CIROZ: variants seen among roughly 807,000 people sequenced by gnomAD.
CIROZ encodes ciliated left-right organizer protein containing ZP-N domains.
chr1:10,947,887 C>A, the CIROZ span: 5 of 1,612,860 alleles, frequency 3.1e-6, no homozygotes, highest in Non-Finnish European at 4.2e-6. Context: ...GACGTGTGTG[C>A]AACCCCCCAC....
At chr1:10,949,820 AGAGAG>A in the CIROZ span, 3 of 1,542,872 alleles carry the variant, frequency 1.9e-6, no homozygotes, top group Non-Finnish European at 2.6e-6. Context: ...TGAACCTTCC[AGAGAG>A]AAGACAGAGG....
the CIROZ span, chr1:10,949,238 AAG>A: frequency 4.2e-6 from 1 of 240,280 alleles, no homozygotes; most frequent in Non-Finnish European, 8.0e-6. Context: ...AAAAAAAAAA[AAG>A]AAGAGCTGGA....
the CIROZ span, among the ~76,000 whole-genome samples, chr1:10,968,373 G>A: frequency 6.6e-6 from 1 of 152,214 alleles, no homozygotes; most frequent in South Asian, 2.1e-4. Context: ...TTTGATGGAA[G>A]ATGAATACGC....
the CIROZ span, chr1:10,957,568 C>A: frequency 3.4e-5 from 54 of 1,606,410 alleles, no homozygotes; most frequent in East Asian, 1.2e-3. Flanking sequence ...AGGTGCTATG[C>A]CCCAGAGGCC....
the CIROZ span, chr1:10,948,103 T>G: frequency 6.2e-7 from 1 of 1,613,448 alleles, no homozygotes; most frequent in Non-Finnish European, 8.5e-7. Context: ...AGCCAGGCAC[T>G]GGGGTCTGGC....
the CIROZ span, chr1:10,957,548 C>T: frequency 6.3e-7 from 1 of 1,580,464 alleles, no homozygotes; most frequent in Non-Finnish European, 8.6e-7. Flanking sequence ...GGGTGGCAAC[C>T]TGCTCTTCTA....
At chr1:10,950,854 G>A in the CIROZ span, among the ~76,000 whole-genome samples, 15 of 152,332 alleles carry the variant, frequency 9.8e-5, no homozygotes, top group African/African-American at 3.4e-4. Context: ...AAAAGCAGGA[G>A]TTCTTATATA....
the CIROZ span, among the ~76,000 whole-genome samples, chr1:10,980,400 C>T: frequency 6.6e-6 from 1 of 152,260 alleles, no homozygotes; most frequent in East Asian, 1.9e-4. Flanking sequence ...GGGTACCCGC[C>T]CTGGGCTCTG....
At chr1:10,980,630 C>T in the CIROZ span, among the ~76,000 whole-genome samples, 1 of 152,312 alleles carries the variant, frequency 6.6e-6, no homozygotes, top group East Asian at 1.9e-4. Context: ...CCAGGGACCC[C>T]GACTCTGCTG....
the CIROZ span, among the ~76,000 whole-genome samples, chr1:10,955,857 A>G: frequency 6.6e-6 from 1 of 151,858 alleles, no homozygotes; most frequent in African/African-American, 2.4e-5. Context: ...AAAAAAAAAA[A>G]AAAAAGAAAG....
chr1:10,947,861 C>T, the CIROZ span: 12 of 1,608,172 alleles, frequency 7.5e-6, no homozygotes, highest in South Asian at 1.3e-4. Flanking sequence ...TCAGGGTTTG[C>T]GTGGATGGAG....
the CIROZ span, chr1:10,976,314 A>T: frequency 1.9e-6 from 2 of 1,027,254 alleles, no homozygotes; most frequent in Non-Finnish European, 2.8e-6. Flanking sequence ...TGCCTCATCT[A>T]CCTTCATTCA....
the CIROZ span, chr1:10,957,097 G>A: frequency 3.2e-6 from 5 of 1,549,788 alleles, no homozygotes; most frequent in African/African-American, 5.5e-5. Context: ...CTCAGCAGAG[G>A]TGTTCAGCAC....
chr1:10,964,919 C>T, the CIROZ span, among the ~76,000 whole-genome samples: 1 of 152,202 alleles, frequency 6.6e-6, no homozygotes, highest in Non-Finnish European at 1.5e-5. Context: ...GCGTGAGCCA[C>T]CAAGCCCAGC....
the CIROZ span, among the ~76,000 whole-genome samples, chr1:10,980,210 C>T: frequency 2.0e-5 from 3 of 152,370 alleles, no homozygotes; most frequent in South Asian, 6.2e-4. Context: ...AATGCCAGGG[C>T]CCACAGTCTC....
chr1:10,957,683 T>C, the CIROZ span: 14 of 1,614,032 alleles, frequency 8.7e-6, no homozygotes, highest in African/African-American at 1.5e-4. Context: ...CATGTCCACA[T>C]ACAGTCCCAT....
At chr1:10,962,911 G>T in the CIROZ span, among the ~76,000 whole-genome samples, 1 of 152,318 alleles carries the variant, frequency 6.6e-6, no homozygotes, top group Admixed American at 6.5e-5. Context: ...CCTGAAGCCA[G>T]GAGTTTGAGA....
At chr1:10,947,538 C>T in the CIROZ span, 28 of 814,770 alleles carry the variant, frequency 3.4e-5, no homozygotes, top group East Asian at 1.7e-4. Context: ...AGAAGAGCAC[C>T]GGGGCTTCCC....
At chr1:10,960,993 T>C in the CIROZ span, among the ~76,000 whole-genome samples, 1 of 151,564 alleles carries the variant, frequency 6.6e-6, no homozygotes, top group Non-Finnish European at 1.5e-5. The surrounding 1 kb of genome is among the most constrained non-coding windows in gnomAD (Gnocchi z 4.6). Flanking sequence ...TGTTTACGGA[T>C]GCAGAGCCCC....
Sources: allele counts gnomAD v4.1 joint callset (sites outside exome capture counted in the v4.1 genomes callset), GRCh38; gene constraint gnomAD v4.1.1; non-coding constraint Gnocchi (gnomAD v3.1); transcripts MANE v1.5; gene names NCBI Gene and HGNC (gene_info 2026-07-23, HGNC 2026-07-21).